Variants in DMD observed in about 807,000 individuals in gnomAD.
DMD encodes the protein dystrophin.
In DMD, 63 loss-of-function variants were observed where a neutral mutation model predicts 330.1. That is an observed-to-expected ratio of 0.19 (90% CI 0.16 to 0.24). The LOEUF (loss-of-function observed/expected upper bound fraction) is 0.24, where lower values mean the gene tolerates loss of function less well. DMD is among the 10% of genes least tolerant of loss of function. The probability of loss-of-function intolerance (pLI) is 1.00; values close to 1 mark genes in which losing one functional copy is unlikely to be tolerated. For missense variants in DMD, 3,344 were observed against 2,684.1 expected, an observed-to-expected ratio of 1.25 and a Z score of -5.43; for synonymous variants, 1,223 against 959.8, an observed-to-expected ratio of 1.27 and a Z score of -5.07.
rs186528375 is a variant in DMD, at chrX:32,094,849, T to A, written c.6438+122067A>T. The stretch of plus-strand genomic sequence containing the variant: ...TGCTTAGTGGCTTGTGGCAGTACAC[T>A]GTAAATACCAAATGAGCTGTATAGG... On this transcript the variant is annotated intron_variant, in intron 44 of 78. Coordinates refer to ENST00000357033, the MANE Select transcript of DMD (RefSeq NM_004006.3). Among the ~76,000 whole-genome samples the A allele has an allele frequency of 4.9e-4, 55 of 111,811 alleles. No individual in the cohort carries two copies. The South Asian group carries it at 0.015, about 30-fold the overall frequency.
intron 62 of DMD, among the ~76,000 whole-genome samples, chrX:31,287,615 GGAT>G (rs1173712481): frequency 8.9e-6 from 1 of 111,736 alleles, no homozygotes; most frequent in Admixed American, 9.5e-5. Context: ...AATTAAAACT[GGAT>G]GATGGGAGAA....
chrX:31,263,992 G>A (rs2050776967), intron 62 of DMD, among the ~76,000 whole-genome samples: 1 of 112,241 alleles, frequency 8.9e-6, no homozygotes, highest in South Asian at 3.7e-4. Context: ...TGAATCCAGA[G>A]CCCCACTGGG....
At chrX:32,288,446 C>T (rs752038009) in intron 42 of DMD, among the ~76,000 whole-genome samples, 1 of 111,907 alleles carries the variant, frequency 8.9e-6, no homozygotes, top group Non-Finnish European at 1.9e-5. Flanking sequence ...CTTCTCACTA[C>T]CTTTCTTGCT....
At chrX:32,335,515 GTGTA>G (rs1172407071) in intron 41 of DMD, among the ~76,000 whole-genome samples, 2 of 31,591 alleles carry the variant, frequency 6.3e-5, no homozygotes, top group Non-Finnish European at 9.6e-5. Context: ...TATATAACAT[GTGTA>G]TGTTATATAT....
chrX:33,273,624 T>C (rs2053193016), intron 1 of DMD, among the ~76,000 whole-genome samples: 1 of 112,368 alleles, frequency 8.9e-6, no homozygotes, highest in Non-Finnish European at 1.9e-5. Context: ...CTTTTTATAT[T>C]TGAAGGGCCC....
chrX:31,602,581 T>C (rs1185084756), intron 55 of DMD, among the ~76,000 whole-genome samples: 2 of 111,321 alleles, frequency 1.8e-5, no homozygotes, highest in African/African-American at 6.5e-5. Context: ...ATAATAAGTT[T>C]AGAACTCTTA....
intron 57 of DMD, among the ~76,000 whole-genome samples, chrX:31,493,000 T>G (rs1281730874): frequency 9.0e-6 from 1 of 111,229 alleles, no homozygotes; most frequent in Admixed American, 9.6e-5. Flanking sequence ...TTTCTGCACA[T>G]GTATCCCAGA....
intron 44 of DMD, among the ~76,000 whole-genome samples, chrX:32,080,736 TTC>T (rs2096385386): frequency 9.0e-6 from 1 of 111,694 alleles, no homozygotes; most frequent in Non-Finnish European, 1.9e-5. Flanking sequence ...GCAGACAGCC[TTC>T]AGCTCTCAGT....
At chrX:32,777,249 T>C (rs2074245394) in intron 7 of DMD, among the ~76,000 whole-genome samples, 1 of 36,607 alleles carries the variant, frequency 2.7e-5, no homozygotes, top group Non-Finnish European at 4.7e-5. Flanking sequence ...GGACTGGAAG[T>C]TCCTAGTTTT....
At chrX:33,081,822 G>A (rs904228209) in intron 1 of DMD, among the ~76,000 whole-genome samples, 2 of 111,642 alleles carry the variant, frequency 1.8e-5, no homozygotes, top group Admixed American at 1.9e-4. Flanking sequence ...ACACACTAAA[G>A]CTCCCTCATA....
At position 32,315,970 on chromosome X, in the gene DMD, C is replaced by A. The variant is rs1478613425; in HGVS notation, c.5923-5694G>T. On this transcript the variant is annotated intron_variant, in intron 41 of 78. Coordinates refer to ENST00000357033, the MANE Select transcript of DMD (RefSeq NM_004006.3). ...TAATTCTGTATCTGGTTCTAGAAAT[C>A]ATTTTTTACAAACTTTTAAATAATG... 2.7e-5 allele frequency among the ~76,000 whole-genome samples: 3 copies of A among 111,523 alleles called. No homozygotes were observed. The East Asian group carries it at 8.5e-4, about 31-fold the overall frequency.
At chrX:31,801,132 G>A (rs904447623) in intron 50 of DMD, among the ~76,000 whole-genome samples, 5 of 111,362 alleles carry the variant, frequency 4.5e-5, no homozygotes, top group East Asian at 2.8e-4. Context: ...ACCCAAGACC[G>A]GGTAATTTAT....
chrX:32,647,357 T>G lies in DMD; in HGVS notation c.961-2205A>C, dbSNP rs748116440. Among the ~76,000 whole-genome samples, 4 of 111,425 alleles carry G rather than the reference T, an allele frequency of 3.6e-5. No homozygotes were observed. The East Asian group carries it at 1.1e-3, about 32-fold the overall frequency. ...TGAGCTCACAGTAAGTTTAGTAAGA[T>G]TCAAAGAATATGGCGTAAGTGTGTT... is the stretch of plus-strand genomic sequence containing the variant. On this transcript the variant is annotated intron_variant, in intron 9 of 78. Coordinates refer to ENST00000357033, the MANE Select transcript of DMD (RefSeq NM_004006.3).
intron 12 of DMD, among the ~76,000 whole-genome samples, chrX:32,607,033 A>T (rs1359703407): frequency 9.1e-6 from 1 of 109,477 alleles, no homozygotes; most frequent in Non-Finnish European, 1.9e-5. Flanking sequence ...TTACCTATTG[A>T]GTATAGTGTT....
At chrX:32,584,918 T>TA (rs1198994761) in intron 13 of DMD, among the ~76,000 whole-genome samples, 1 of 111,259 alleles carries the variant, frequency 9.0e-6, no homozygotes, top group Non-Finnish European at 1.9e-5. Context: ...TACTTCAATT[T>TA]AAAAAGTACC....
chrX:32,436,808 C>T (rs935867229), intron 29 of DMD, among the ~76,000 whole-genome samples: 6 of 109,761 alleles, frequency 5.5e-5, no homozygotes, highest in Admixed American at 9.7e-5. Context: ...CACAAATAAC[C>T]GGGAGTGGCA....
rs1046966424 is a variant in DMD at position 32,950,365 on chromosome X, G to A, written c.93+69774C>T. Among the ~76,000 whole-genome samples the A allele has an allele frequency of 6.3e-5, 7 of 110,897 alleles. No individual in the cohort carries two copies. In the South Asian group the frequency reaches 2.7e-3, roughly 43 times the overall value. ...ATGAAGTATCTTGCTACACATTATG[G>A]AGGTAGTAAGTAGCAAAGCTGGAAT... On this transcript the variant is annotated intron_variant, in intron 2 of 78. Transcript: ENST00000357033.
chrX:32,551,056 A>G (rs2049498087), intron 16 of DMD, among the ~76,000 whole-genome samples: 1 of 111,220 alleles, frequency 9.0e-6, no homozygotes, highest in South Asian at 3.8e-4. Flanking sequence ...ACTAACAGAT[A>G]TAGAAGGAAA....
Position 33,325,240 on chromosome X carries a change from A to G in DMD, c.7+14019T>C, listed in dbSNP as rs147485405. The stretch of plus-strand genomic sequence containing the variant: ...GCTACAAAAAGCATCGACATAAATG[A>G]TTAAATATACATAGCTCTTGGCATG... On this transcript the variant is annotated intron_variant, in intron 1 of 17. Transcript: ENST00000288447. Among the ~76,000 whole-genome samples, 1,059 of 112,111 alleles carry G rather than the reference A, an allele frequency of 9.4e-3. 12 individuals are homozygous for G. The highest frequency in any genetic ancestry group is 0.033 in the African/African-American group (1,015 of 30,937).
Sources: gnomAD v4.1 joint callset for allele counts (sites outside exome capture counted in the v4.1 genomes callset) on GRCh38, gnomAD v4.1.1 for gene constraint, MANE v1.5 for transcripts, NCBI Gene and HGNC (gene_info 2026-07-23, HGNC 2026-07-21) for gene names.